CLPB: variants seen among roughly 807,000 people sequenced by gnomAD.
CLPB encodes the protein ClpB family mitochondrial disaggregase.
In CLPB, 40 loss-of-function variants were observed where a neutral mutation model predicts 78.4. The ratio of observed to expected loss-of-function variants is 0.51; its 90% CI spans 0.40 to 0.66. CLPB has a LOEUF of 0.66. Ranked by LOEUF, CLPB falls within the 30% of genes least tolerant of loss-of-function variation. CLPB has a pLI of 0.00. For synonymous variants in CLPB, 333 were observed against 348.0 expected, an observed-to-expected ratio of 0.96 and a Z score of 0.48; for missense variants, 780 against 886.9, an observed-to-expected ratio of 0.88 and a Z score of 1.53.
At chr11:72,387,854 T>C (rs748583659) in intron 3 of CLPB, among the ~76,000 whole-genome samples, 2 of 152,140 alleles carry the variant, frequency 1.3e-5, no homozygotes, top group African/African-American at 2.4e-5. Flanking sequence ...AAAATCCAAG[T>C]GTCGATCTAA....
At chr11:72,423,402 T>C (rs1856267192) in intron 2 of CLPB, among the ~76,000 whole-genome samples, 1 of 152,226 alleles carries the variant, frequency 6.6e-6, no homozygotes, top group African/African-American at 2.4e-5. Flanking sequence ...ACCATATCCA[T>C]TTATATTCAT....
At chr11:72,381,608 C>T (rs181472589) in intron 3 of CLPB, among the ~76,000 whole-genome samples, 2 of 152,290 alleles carry the variant, frequency 1.3e-5, no homozygotes, top group Non-Finnish European at 2.9e-5. Context: ...CCCCCAGAAC[C>T]GGCTGGGGCA....
chr11:72,311,298 C>T (rs767824455), intron 7 of CLPB, among the ~76,000 whole-genome samples: 14 of 152,176 alleles, frequency 9.2e-5, no homozygotes, highest in Non-Finnish European at 1.3e-4. Flanking sequence ...CATGGGCCCA[C>T]GTGGGAGGTG....
At chr11:72,404,623 T>C (rs1254778163) in intron 2 of CLPB, among the ~76,000 whole-genome samples, 1 of 152,164 alleles carries the variant, frequency 6.6e-6, no homozygotes, top group East Asian at 1.9e-4. Context: ...CCAGTCTCAG[T>C]GGCCAAAAAG....
chr11:72,302,100 T>C (rs1047318762), intron 10 of CLPB, 136 bp from the exon 11 acceptor site: 6 of 1,055,380 alleles, frequency 5.7e-6, no homozygotes, highest in Non-Finnish European at 8.4e-6. Flanking sequence ...GTCCATCTCC[T>C]GGTGTGGCAG....
chr11:72,335,337 T>C (rs935464568), intron 5 of CLPB, among the ~76,000 whole-genome samples: 1 of 152,178 alleles, frequency 6.6e-6, no homozygotes, highest in African/African-American at 2.4e-5. Context: ...AGTGGAAAAA[T>C]GGTGAGTTCT....
At chr11:72,402,343 T>C (rs1855587469) in intron 3 of CLPB, among the ~76,000 whole-genome samples, 1 of 152,186 alleles carries the variant, frequency 6.6e-6, no homozygotes, top group African/African-American at 2.4e-5. Context: ...CATAAATAAA[T>C]CACTTTATCT....
chr11:72,415,346 C>G (rs990298610), intron 2 of CLPB, among the ~76,000 whole-genome samples: 2 of 152,140 alleles, frequency 1.3e-5, no homozygotes, highest in East Asian at 3.9e-4. Flanking sequence ...ATTTAGCATG[C>G]GTCAGCACAC....
chr11:72,378,870 C>T (rs1854807485), intron 4 of CLPB, among the ~76,000 whole-genome samples: 1 of 152,096 alleles, frequency 6.6e-6, no homozygotes, highest in Non-Finnish European at 1.5e-5. Flanking sequence ...GTTCAAGTAA[C>T]CATACAAGAG....
At chr11:72,367,063 T>C (rs1381069237) in intron 4 of CLPB, among the ~76,000 whole-genome samples, 1 of 152,122 alleles carries the variant, frequency 6.6e-6, no homozygotes, top group Admixed American at 6.5e-5. Context: ...TAAAAAAGAA[T>C]GAAATCATGT....
intron 2 of CLPB, among the ~76,000 whole-genome samples, chr11:72,429,294 G>C (rs961303175): frequency 1.3e-5 from 2 of 152,116 alleles, no homozygotes; most frequent in African/African-American, 4.8e-5. Context: ...AAAAACTAAG[G>C]CTTGAACATT....
chr11:72,402,867 G>A, intron 3 of CLPB, 99 bp downstream of exon 3: 1 of 925,804 alleles, frequency 1.1e-6, no homozygotes, highest in Non-Finnish European at 1.7e-6. Context: ...CCTGCCTCTG[G>A]AAAAGACAGC....
intron 5 of CLPB, among the ~76,000 whole-genome samples, chr11:72,330,950 C>T (rs1015156796): frequency 6.6e-6 from 1 of 152,034 alleles, no homozygotes; most frequent in South Asian, 2.1e-4. Flanking sequence ...GGGTAGGTGT[C>T]CAGCCACTGT....
intron 6 of CLPB, among the ~76,000 whole-genome samples, chr11:72,320,611 A>C (rs906332627): frequency 3.3e-5 from 5 of 152,214 alleles, no homozygotes; most frequent in Non-Finnish European, 7.3e-5. Context: ...ACTGAGATTA[A>C]GCCAGGCAGG....
chr11:72,369,960 C>T (rs950720323), intron 4 of CLPB, among the ~76,000 whole-genome samples: 2 of 152,034 alleles, frequency 1.3e-5, no homozygotes, highest in Admixed American at 1.3e-4. Context: ...TGTGACAGCT[C>T]GACCGTCATC....
chr11:72,324,847 T>G (rs1026214437), intron 6 of CLPB, among the ~76,000 whole-genome samples: 1 of 152,150 alleles, frequency 6.6e-6, no homozygotes, highest in East Asian at 1.9e-4. Context: ...GCACCCAGGC[T>G]CTCAGCCTGG....
Position 72,378,398 on chromosome 11 carries a change from A to C in CLPB, c.646+1883T>G, listed in dbSNP as rs370324600. Among the ~76,000 whole-genome samples, 60 of 152,330 alleles carry C rather than the reference A, an allele frequency of 3.9e-4. No individual in the cohort carries two copies. In the South Asian group the frequency reaches 0.012, roughly 30 times the overall value. Reference sequence around the variant, plus strand: ...AGAATCATGGCAGGAGGTAAAAGGCACTTCTTACATGGCAGTGGCAAGAGA... The same window carrying C: ...AGAATCATGGCAGGAGGTAAAAGGCCCTTCTTACATGGCAGTGGCAAGAGA... On this transcript the variant is annotated intron_variant, in intron 4 of 15. Transcript: ENST00000538039.
At chr11:72,310,913 A>G (rs1045866238) in intron 7 of CLPB, 10 of 152,242 alleles carry the variant, frequency 6.6e-5, no homozygotes, top group Admixed American at 6.5e-4. Flanking sequence ...GCCTGGGGCC[A>G]CTGTTCCCCG....
intron 9 of CLPB, among the ~76,000 whole-genome samples, chr11:72,306,562 G>A (rs1487341140): frequency 6.6e-6 from 1 of 152,222 alleles, no homozygotes; most frequent in African/African-American, 2.4e-5. Context: ...GAAAGCCTGA[G>A]TGTGAACAAA....
Sources: allele counts gnomAD v4.1 joint callset (sites outside exome capture counted in the v4.1 genomes callset), GRCh38; gene constraint gnomAD v4.1.1; transcripts MANE v1.5; gene names NCBI Gene and HGNC (gene_info 2026-07-23, HGNC 2026-07-21).